Variants in GRAMD4 observed in about 807,000 individuals in gnomAD.
The protein encoded by GRAMD4 is GRAM domain containing 4.
GRAMD4 carries 25 observed loss-of-function variants against 83.9 expected under a neutral mutation model. The ratio of observed to expected loss-of-function variants is 0.30; its 90% CI spans 0.22 to 0.42. The LOEUF (loss-of-function observed/expected upper bound fraction) is 0.42, where lower values mean the gene tolerates loss of function less well. Among genes scored for constraint, GRAMD4 ranks in the 10% least tolerant of loss-of-function variants. The pLI is 1.00. For missense variants in GRAMD4, 593 were observed against 788.7 expected, an observed-to-expected ratio of 0.75 and a Z score of 2.97; for synonymous variants, 336 against 320.9, an observed-to-expected ratio of 1.05 and a Z score of -0.50.
chr22:46,588,909 G>A (rs535835061), intron 1 of GRAMD4, among the ~76,000 whole-genome samples: 67 of 152,212 alleles, frequency 4.4e-4, no homozygotes, highest in African/African-American at 1.3e-3. Flanking sequence ...CTCTGCCAGC[G>A]TCTCCCCACC....
At chr22:46,575,842 G>C (rs1405898660), upstream of GRAMD4, among the ~76,000 whole-genome samples, 1 of 152,238 alleles carries the variant, frequency 6.6e-6, no homozygotes, top group East Asian at 1.9e-4. Context: ...TGGGTCCCCA[G>C]TTCTGCAGAC....
chr22:46,615,936 G>A (rs1228068323), upstream of GRAMD4, among the ~76,000 whole-genome samples: 1 of 136,276 alleles, frequency 7.3e-6, no homozygotes, highest in Non-Finnish European at 1.6e-5. Flanking sequence ...TCCCCTGTGC[G>A]TGTGGGTTCC....
At chr22:46,586,586 A>G (rs1336703949) in intron 1 of GRAMD4, among the ~76,000 whole-genome samples, 3 of 152,192 alleles carry the variant, frequency 2.0e-5, no homozygotes, top group Admixed American at 1.3e-4. Flanking sequence ...CCCATGACAC[A>G]GAGACGAGGG....
chr22:46,639,574 G>A (rs1052127938), intron 3 of GRAMD4, among the ~76,000 whole-genome samples: 1 of 151,754 alleles, frequency 6.6e-6, no homozygotes, highest in East Asian at 1.9e-4. Flanking sequence ...GTGTGTGTGC[G>A]TGTGGCGGTG....
At chr22:46,648,767 CATGGATGGATGG>C (rs1220197647) in intron 3 of GRAMD4, among the ~76,000 whole-genome samples, 76 of 24,768 alleles carry the variant, frequency 3.1e-3, no homozygotes, top group African/African-American at 9.8e-3. Context: ...TGGATGGATG[CATGGATGGATGG>C]ATGGATGGAT....
At chr22:46,626,294 G>T (rs930502432) in intron 1 of GRAMD4, among the ~76,000 whole-genome samples, 2 of 152,236 alleles carry the variant, frequency 1.3e-5, no homozygotes, top group Admixed American at 1.3e-4. Context: ...CGTTCTTGAC[G>T]GTTTGTTAGG....
rs370119081 is a variant in GRAMD4, at chr22:46,662,335, C to G, written c.467-705C>G. Among the ~76,000 whole-genome samples, 26 of 152,328 alleles carry G rather than the reference C, an allele frequency of 1.7e-4. No individual in the cohort carries two copies. In the South Asian group the frequency reaches 5.2e-3, roughly 30 times the overall value. ...ACCACAGGCCCTCTGGTCCCAGGGC[C>G]CAAAACTTTGGCGAGGCAGCACCCG... On this transcript the variant is annotated intron_variant, in intron 5 of 18. Transcript: ENST00000406902.
chr22:46,643,760 G>A (rs2082024780), intron 3 of GRAMD4, among the ~76,000 whole-genome samples: 1 of 152,302 alleles, frequency 6.6e-6, no homozygotes, highest in South Asian at 2.1e-4. Context: ...CAGGTCATGC[G>A]ATTATGTCCG....
chr22:46,645,624 A>C (rs1313943539), intron 3 of GRAMD4, among the ~76,000 whole-genome samples: 2 of 152,172 alleles, frequency 1.3e-5, no homozygotes, highest in Non-Finnish European at 2.9e-5. Flanking sequence ...CATGGAGGAG[A>C]GGAAATGGCC....
chr22:46,650,615 T>A (rs5769055), intron 3 of GRAMD4, among the ~76,000 whole-genome samples: 1 of 152,102 alleles, frequency 6.6e-6, no homozygotes, highest in Non-Finnish European at 1.5e-5. Context: ...TCCTCGCAGA[T>A]GCTGGGGAGG....
chr22:46,649,897 G>A (rs375388953), intron 3 of GRAMD4, among the ~76,000 whole-genome samples: 15 of 152,372 alleles, frequency 9.8e-5, no homozygotes, highest in East Asian at 7.7e-4. Context: ...AGATGAAGCC[G>A]TACTCTGGGC....
chr22:46,658,350 C>G, intron 4 of GRAMD4, 43 bp downstream of exon 4: 1 of 1,526,554 alleles, frequency 6.6e-7, no homozygotes, highest in South Asian at 1.2e-5. Context: ...TGCGGCTGCC[C>G]CAACCCCCCA....
At chr22:46,646,312 A>G (rs2082071842) in intron 3 of GRAMD4, among the ~76,000 whole-genome samples, 1 of 152,236 alleles carries the variant, frequency 6.6e-6, no homozygotes, top group South Asian at 2.1e-4. Context: ...TGATGCTCCC[A>G]GAAGCTCCCT....
At chr22:46,631,048 A>T (rs1601596177) in intron 2 of GRAMD4, among the ~76,000 whole-genome samples, 1 of 152,130 alleles carries the variant, frequency 6.6e-6, no homozygotes, top group East Asian at 1.9e-4. Flanking sequence ...CCCGAGGGGC[A>T]AGACGGCAGT....
chr22:46,640,269 C>G (rs1238645383), intron 3 of GRAMD4, among the ~76,000 whole-genome samples: 3 of 152,074 alleles, frequency 2.0e-5, no homozygotes, highest in East Asian at 3.9e-4. Flanking sequence ...AGCAGGTGCT[C>G]TTGGTGCAGG....
At chr22:46,675,961 G>C (rs542256290) in intron 17 of GRAMD4, among the ~76,000 whole-genome samples, 1 of 152,220 alleles carries the variant, frequency 6.6e-6, no homozygotes, top group East Asian at 1.9e-4. Context: ...GCATTTTACC[G>C]TAGCATGGAA....
intron 2 of GRAMD4, among the ~76,000 whole-genome samples, chr22:46,629,245 C>A (rs752371777): frequency 6.6e-6 from 1 of 152,134 alleles, no homozygotes; most frequent in African/African-American, 2.4e-5. Context: ...TAACCTGGAC[C>A]TGAGCCTCAG....
intron 13 of GRAMD4, among the ~76,000 whole-genome samples, chr22:46,671,994 C>T (rs1469363825): frequency 6.6e-6 from 1 of 152,248 alleles, no homozygotes; most frequent in Non-Finnish European, 1.5e-5. Context: ...CCCTGGGGCC[C>T]CTGCAGGGAG....
chr22:46,648,406 T>A (rs1360082817), intron 3 of GRAMD4, among the ~76,000 whole-genome samples: 1 of 141,068 alleles, frequency 7.1e-6, no homozygotes, highest in Non-Finnish European at 1.5e-5. Context: ...GGCAGAGGGA[T>A]GGGTAGATGG....
Sources: allele counts gnomAD v4.1 joint callset (sites outside exome capture counted in the v4.1 genomes callset), GRCh38; gene constraint gnomAD v4.1.1; transcripts MANE v1.5; gene names NCBI Gene and HGNC (gene_info 2026-07-23, HGNC 2026-07-21).